The following NXPH1 variants were observed in gnomAD, a reference collection of about 807,000 sequenced individuals.
The protein encoded by NXPH1 is neurexophilin 1.
NXPH1 carries 5 observed loss-of-function variants against 23.7 expected under a neutral mutation model. That is an observed-to-expected ratio of 0.21 (90% CI 0.11 to 0.44). The LOEUF is 0.44. NXPH1 is among the 20% of genes least tolerant of loss of function. NXPH1 has a pLI of 0.99. For synonymous variants in NXPH1, 144 were observed against 122.2 expected (o/e 1.18, Z -1.18); for missense variants, 324 against 321.6 (o/e 1.01, Z -0.06).
intron 2 of NXPH1, among the ~76,000 whole-genome samples, chr7:8,729,055 G>C (rs1780104920): frequency 6.6e-6 from 1 of 151,806 alleles, no homozygotes; most frequent in Non-Finnish European, 1.5e-5. Context: ...ACTTCTTCCT[G>C]GTTTAGTCTT....
intron 2 of NXPH1, among the ~76,000 whole-genome samples, chr7:8,439,954 T>C (rs968617053): frequency 1.3e-5 from 2 of 152,234 alleles, no homozygotes; most frequent in African/African-American, 4.8e-5. Context: ...AGCTTATTAC[T>C]GAAAATAAAC....
At chr7:8,648,456 A>C (rs1303887418) in intron 2 of NXPH1, among the ~76,000 whole-genome samples, 1 of 152,156 alleles carries the variant, frequency 6.6e-6, no homozygotes, top group African/African-American at 2.4e-5. Flanking sequence ...GAACACAAGG[A>C]TCTCCAGTTC....
rs559453033 is a variant in NXPH1 at position 8,594,013 on chromosome 7, G to T, written c.55-156995G>T. On this transcript the variant is annotated intron_variant, in intron 2 of 2. Transcript: ENST00000405863. ...TAGTTTTTCAAAATTCTTGTGGGAG[G>T]TATGATAGCAACAAATTTTGAAGAC... Among the ~76,000 whole-genome samples the T allele has an allele frequency of 1.4e-4, 21 of 151,446 alleles. No homozygotes were observed. In the South Asian group the frequency reaches 3.9e-3, roughly 28 times the overall value.
intron 2 of NXPH1, among the ~76,000 whole-genome samples, chr7:8,527,807 AT>A (rs1184367068): frequency 1.3e-5 from 2 of 152,224 alleles, no homozygotes; most frequent in African/African-American, 4.8e-5. Context: ...GTAATTCAAC[AT>A]GGCAAAAGGA....
chr7:8,462,952 C>G (rs1342165935), intron 2 of NXPH1, among the ~76,000 whole-genome samples: 6 of 152,238 alleles, frequency 3.9e-5, no homozygotes, highest in Non-Finnish European at 8.8e-5. Context: ...ACATTACAGA[C>G]TACCATGTTG....
chr7:8,611,025 G>C (rs1237000357), intron 2 of NXPH1, among the ~76,000 whole-genome samples: 11 of 152,072 alleles, frequency 7.2e-5, no homozygotes, highest in Non-Finnish European at 1.6e-4. Context: ...CTGAAACGCC[G>C]CTTAGAGTTG....
intron 2 of NXPH1, among the ~76,000 whole-genome samples, chr7:8,672,275 A>G (rs1022222633): frequency 1.3e-5 from 2 of 152,150 alleles, no homozygotes; most frequent in African/African-American, 4.8e-5. Flanking sequence ...GGAATTGAAC[A>G]ATGAGAACAC....
intron 2 of NXPH1, among the ~76,000 whole-genome samples, chr7:8,466,185 G>A (rs1420956647): frequency 6.6e-6 from 1 of 152,196 alleles, no homozygotes; most frequent in African/African-American, 2.4e-5. Flanking sequence ...AGGAAATCAA[G>A]ACTGGGACCA....
chr7:8,583,693 G>C (rs1264568439), intron 2 of NXPH1, among the ~76,000 whole-genome samples: 2 of 152,142 alleles, frequency 1.3e-5, no homozygotes, highest in African/African-American at 4.8e-5. Flanking sequence ...CAGGGGCCGA[G>C]AGCAACAAGT....
intron 2 of NXPH1, among the ~76,000 whole-genome samples, chr7:8,696,415 T>G (rs1211709065): frequency 1.3e-5 from 2 of 152,170 alleles, no homozygotes; most frequent in Non-Finnish European, 2.9e-5. Flanking sequence ...ACTAAATAAC[T>G]AAGTAAGCCA....
chr7:8,730,709 C>T (rs560206236), intron 2 of NXPH1, among the ~76,000 whole-genome samples: 47 of 152,224 alleles, frequency 3.1e-4, no homozygotes, highest in African/African-American at 8.9e-4. Flanking sequence ...CCGAGAGATC[C>T]GCTGTTAGTC....
At chr7:8,678,390 C>T (rs1244711110) in intron 2 of NXPH1, among the ~76,000 whole-genome samples, 1 of 152,180 alleles carries the variant, frequency 6.6e-6, no homozygotes, top group African/African-American at 2.4e-5. Flanking sequence ...TTATGTCTCT[C>T]TTATGTACCC....
At chr7:8,728,327 T>C (rs890221833) in intron 2 of NXPH1, among the ~76,000 whole-genome samples, 1 of 152,116 alleles carries the variant, frequency 6.6e-6, no homozygotes, top group Admixed American at 6.6e-5. Context: ...GAATACTCTT[T>C]ATTTCCTTCT....
intron 2 of NXPH1, among the ~76,000 whole-genome samples, chr7:8,558,901 TA>T (rs1338096129): frequency 2.0e-5 from 3 of 149,628 alleles, no homozygotes; most frequent in Non-Finnish European, 4.4e-5. Context: ...TTTTTGGAAG[TA>T]TAGTGAACTG....
At position 8,673,379 on chromosome 7, in the gene NXPH1, G is replaced by T. The variant is rs551731918; in HGVS notation, c.55-77629G>T. Among the ~76,000 whole-genome samples the T allele has an allele frequency of 1.9e-4, 29 of 152,106 alleles. 2 individuals are homozygous for T. The highest frequency in any genetic ancestry group is 6.5e-4 in the African/African-American group (27 of 41,522). ...ATATAAGTTGAGGATGGATACCTCT[G>T]GTAATTTTCCCAAATTAGAGGCCAC... On this transcript the variant is annotated intron_variant, in intron 2 of 2. Transcript: ENST00000405863.
intron 2 of NXPH1, among the ~76,000 whole-genome samples, chr7:8,476,199 T>C (rs200818844): frequency 6.6e-6 from 1 of 152,164 alleles, no homozygotes; most frequent in Non-Finnish European, 1.5e-5. Context: ...TCTGTGTGTA[T>C]TTAAAAGATG....
Position 8,435,836 on chromosome 7 carries a change from G to C in NXPH1, c.54+69G>C. 1 of 1,430,320 alleles carries C rather than the reference G, an allele frequency of 7.0e-7. No individual in the cohort carries two copies. Among genetic ancestry groups the C allele is most frequent in the African/African-American group, 1.4e-5 (1 of 71,118 alleles). 88.6% of individuals were successfully genotyped at this position (1,430,320 alleles called of 1,614,324 possible). On this transcript the variant is annotated intron_variant, in intron 2 of 2. Transcript: ENST00000405863. The surrounding 1 kb of genome is among the most constrained non-coding windows in gnomAD (Gnocchi z 5.9). ...CGGGAGGCAAGGAAACTGGGGACAC[G>C]CGGGAGAAGGGTTACGCCGCCAGTT... is the stretch of plus-strand genomic sequence containing the variant.
Position 8,477,673 on chromosome 7 carries a change from C to T in NXPH1, c.54+41906C>T, listed in dbSNP as rs141313963. Among the ~76,000 whole-genome samples, 444 of 151,982 alleles carry T rather than the reference C, an allele frequency of 2.9e-3. 3 individuals carry two copies. The highest frequency in any genetic ancestry group is 0.01 in the Middle Eastern group (3 of 294). On this transcript the variant is annotated intron_variant, in intron 2 of 2. Transcript: ENST00000405863. Reference sequence around the variant, plus strand: ...ACCAGTGATTCTTAATAGGAATCACCTCCTGCTGCAGGGATGGTGCTGGGG... The same window carrying T: ...ACCAGTGATTCTTAATAGGAATCACTTCCTGCTGCAGGGATGGTGCTGGGG...
intron 2 of NXPH1, among the ~76,000 whole-genome samples, chr7:8,618,678 C>G (rs1366658808): frequency 2.0e-5 from 3 of 152,138 alleles, no homozygotes; most frequent in Non-Finnish European, 4.4e-5. Context: ...TTTGCTAATG[C>G]ATTGTTTCCT....
Sources: gnomAD v4.1 joint callset for allele counts (sites outside exome capture counted in the v4.1 genomes callset) on GRCh38, gnomAD v4.1.1 for gene constraint, Gnocchi (gnomAD v3.1) non-coding constraint, MANE v1.5 for transcripts, NCBI Gene and HGNC (gene_info 2026-07-23, HGNC 2026-07-21) for gene names.